Variants in NUP210L observed in about 807,000 individuals in gnomAD.
NUP210L encodes the protein nuclear pore membrane glycoprotein 210-like.
A neutral mutation model predicts 208.5 loss-of-function variants in NUP210L; 74 were observed. The observed-to-expected ratio is 0.35, with a 90% CI of 0.29 to 0.43. The LOEUF is 0.43. Ranked by LOEUF, NUP210L falls within the 20% of genes least tolerant of loss-of-function variation. The pLI is 1.00. For missense variants in NUP210L, 1,843 were observed against 2,289.4 expected (o/e 0.81, Z 3.98); for synonymous variants, 780 against 816.9 (o/e 0.95, Z 0.77).
exon 37 of NUP210L, chr1:154,000,972 A>G: frequency 6.2e-7 from 1 of 1,614,154 alleles, no homozygotes; most frequent in Non-Finnish European, 8.5e-7. Context: ...AGTGAAGTTG[A>G]CCACTCTTAC....
Position 154,048,692 on chromosome 1 carries a change from T to C in NUP210L, c.3484-2323A>G, listed in dbSNP as rs150681511. Among the ~76,000 whole-genome samples, 482 of 152,278 alleles carry C rather than the reference T, an allele frequency of 3.2e-3. 5 individuals are homozygous for C. Among genetic ancestry groups the C allele is most frequent in the African/African-American group, 0.011 (450 of 41,564 alleles). On this transcript the variant is annotated intron_variant, in intron 25 of 39. Coordinates refer to ENST00000368559, the Ensembl canonical transcript of NUP210L. ...GTAGATTTATGCTGCACAAAAGCTG[T>C]GAGTCTTCTGCCTGGGGAGCCCCAG...
intron 16 of NUP210L, among the ~76,000 whole-genome samples, chr1:154,081,491 A>G (rs1051049119): frequency 1.3e-5 from 2 of 152,156 alleles, no homozygotes; most frequent in East Asian, 3.8e-4. Flanking sequence ...AGTTTATGCT[A>G]ATGAGATGAC....
chr1:154,130,504 C>T (rs1441231430), intron 7 of NUP210L, among the ~76,000 whole-genome samples: 4 of 151,826 alleles, frequency 2.6e-5, no homozygotes, highest in Non-Finnish European at 5.9e-5. Flanking sequence ...AACTCCTGAC[C>T]TCAGGTGATC....
intron 14 of NUP210L, among the ~76,000 whole-genome samples, chr1:154,096,009 C>G (rs1656162095): frequency 6.6e-6 from 1 of 151,998 alleles, no homozygotes. Flanking sequence ...GGTTTGTTAC[C>G]TAGGTATACA....
intron 2 of NUP210L, among the ~76,000 whole-genome samples, chr1:154,150,084 G>C (rs544733730): frequency 6.6e-6 from 1 of 152,284 alleles, no homozygotes; most frequent in African/African-American, 2.4e-5. Context: ...CAAAAATTTA[G>C]CGGGGCAAGG....
chr1:154,097,554 C>T (rs561815214), intron 14 of NUP210L, among the ~76,000 whole-genome samples: 1 of 152,198 alleles, frequency 6.6e-6, no homozygotes, highest in East Asian at 1.9e-4. Flanking sequence ...ATTCACCCAC[C>T]CAGGGAACTA....
intron 33 of NUP210L, 141 bp downstream of exon 33, chr1:154,018,792 T>C: frequency 1.1e-6 from 1 of 883,504 alleles, no homozygotes; most frequent in Middle Eastern, 3.6e-4. Flanking sequence ...TTTAGCTTTG[T>C]GTTCCAGTAA....
At chr1:154,068,411 G>A (rs1287167268) in intron 17 of NUP210L, among the ~76,000 whole-genome samples, 1 of 152,174 alleles carries the variant, frequency 6.6e-6, no homozygotes, top group African/African-American at 2.4e-5. Context: ...GTGGGGTGCA[G>A]TGGCTCATGC....
chr1:154,061,678 G>A lies in NUP210L; in HGVS notation c.2555-4C>T. The A allele has an allele frequency of 6.5e-7, 1 of 1,539,158 alleles. No homozygotes were observed. The stretch of plus-strand genomic sequence containing the variant: ...TGTACTTTAAGGATCTGATGACCTG[G>A]AAACATGCAGAAAAATACCCTGTGA... On this transcript the variant is annotated splice_region_variant and splice_polypyrimidine_tract_variant and intron_variant, in intron 17 of 39. Coordinates refer to ENST00000368559, the Ensembl canonical transcript of NUP210L.
At chr1:154,064,648 T>G (rs1654308841) in intron 17 of NUP210L, among the ~76,000 whole-genome samples, 1 of 152,180 alleles carries the variant, frequency 6.6e-6, no homozygotes, top group South Asian at 2.1e-4. Context: ...TATAAGTATA[T>G]GAGGGAAAAG....
chr1:154,108,899 G>A (rs759278005), intron 12 of NUP210L, among the ~76,000 whole-genome samples: 1 of 151,686 alleles, frequency 6.6e-6, no homozygotes, highest in Non-Finnish European at 1.5e-5. Flanking sequence ...TTGGCAGTTC[G>A]AGACCAGCCT....
chr1:154,015,201 C>T (rs1651166878), intron 33 of NUP210L, among the ~76,000 whole-genome samples: 2 of 151,450 alleles, frequency 1.3e-5, no homozygotes, highest in South Asian at 4.2e-4. Context: ...TCCTGATGCT[C>T]TCCCTCCCTC....
chr1:153,993,488 C>T (rs1176594718), intron 38 of NUP210L, among the ~76,000 whole-genome samples: 1 of 149,296 alleles, frequency 6.7e-6, no homozygotes, highest in Admixed American at 6.7e-5. Context: ...ATGGTGTGAA[C>T]CTGGGAGGCG....
rs1651524399 is a variant in NUP210L, at chr1:154,020,986, G to A, written c.4516+1140C>T. Among the ~76,000 whole-genome samples the A allele has an allele frequency of 2.6e-5, 4 of 151,778 alleles. No individual in the cohort carries two copies. In the South Asian group the frequency reaches 8.3e-4, roughly 31 times the overall value. On this transcript the variant is annotated intron_variant, in intron 32 of 39. Coordinates refer to ENST00000368559, the Ensembl canonical transcript of NUP210L. Reference sequence around the variant, plus strand: ...GAGATGGAGTCTCACTCTGTTGCCAGGCTGGAGTGCAGTGGCACGATCTCG... The same window carrying A: ...GAGATGGAGTCTCACTCTGTTGCCAAGCTGGAGTGCAGTGGCACGATCTCG...
At chr1:154,065,809 C>T (rs1016286321) in intron 17 of NUP210L, among the ~76,000 whole-genome samples, 1 of 139,934 alleles carries the variant, frequency 7.1e-6, no homozygotes, top group African/African-American at 2.6e-5. Flanking sequence ...ACAAGAATTG[C>T]TTGAATCCCG....
chr1:154,055,653 C>A (rs1382431175), intron 23 of NUP210L, among the ~76,000 whole-genome samples: 2 of 152,166 alleles, frequency 1.3e-5, no homozygotes. Flanking sequence ...GCATCAACCT[C>A]TCAAAGTGCT....
chr1:154,016,710 G>A (rs1571171652), intron 33 of NUP210L, among the ~76,000 whole-genome samples: 2 of 152,172 alleles, frequency 1.3e-5, no homozygotes, highest in African/African-American at 4.8e-5. Flanking sequence ...TTGGGAGGCC[G>A]AGGCAGGCCT....
intron 38 of NUP210L, 25 bp downstream of exon 38, chr1:153,995,051 A>T: frequency 7.3e-7 from 1 of 1,374,016 alleles, no homozygotes; most frequent in Non-Finnish European, 1.0e-6. Flanking sequence ...GTCAAAGTCT[A>T]TGTTATTGAA....
intron 25 of NUP210L, among the ~76,000 whole-genome samples, chr1:154,046,886 C>A (rs1259344699): frequency 6.6e-6 from 1 of 152,120 alleles, no homozygotes; most frequent in Non-Finnish European, 1.5e-5. Context: ...ATGGTGAAAC[C>A]CATTTCTACT....
Sources: allele counts gnomAD v4.1 joint callset (sites outside exome capture counted in the v4.1 genomes callset), GRCh38; gene constraint gnomAD v4.1.1; transcripts MANE v1.5; gene names NCBI Gene and HGNC (gene_info 2026-07-23, HGNC 2026-07-21).